RASAL2: variants seen among roughly 807,000 people sequenced by gnomAD.
RASAL2 encodes RAS protein activator like 2.
Under a neutral mutation model 128.9 loss-of-function variants are expected in RASAL2, and 58 were observed. The ratio of observed to expected loss-of-function variants is 0.45; its 90% confidence interval spans 0.36 to 0.56. The LOEUF (loss-of-function observed/expected upper bound fraction) is 0.56. Ranked by LOEUF, RASAL2 falls within the 20% of genes least tolerant of loss-of-function variation. The pLI is 0.00. For synonymous variants in RASAL2, 561 were observed against 580.8 expected (o/e 0.97, Z 0.49); for missense variants, 1,360 against 1,601.6 (o/e 0.85, Z 2.57).
chr1:178,362,397 C>T (rs1395650748), intron 3 of RASAL2, among the ~76,000 whole-genome samples: 5 of 152,102 alleles, frequency 3.3e-5, no homozygotes, highest in African/African-American at 1.2e-4. Context: ...ATGATTACTA[C>T]AGTCCAGCAA....
At chr1:178,324,627 G>C (rs1268731640) in intron 3 of RASAL2, among the ~76,000 whole-genome samples, 1 of 151,984 alleles carries the variant, frequency 6.6e-6, no homozygotes, top group African/African-American at 2.4e-5. Flanking sequence ...TTGGAGACTT[G>C]ACCTAGGCCC....
At chr1:178,439,291 A>G in intron 5 of RASAL2, 131 bp from the exon 6 acceptor site, 1 of 737,942 alleles carries the variant, frequency 1.4e-6, no homozygotes, top group Non-Finnish European at 2.1e-6. Context: ...CTGTAGATTA[A>G]CTATTAATTT....
At chr1:178,110,632 G>GTATATATATATATATATATATATA in intron 1 of RASAL2, among the ~76,000 whole-genome samples, 1 of 23,932 alleles carries the variant, frequency 4.2e-5, no homozygotes, top group Admixed American at 7.8e-4. Context: ...TATATATAGT[G>GTATATATATATATATATATATATA]TATACATATA....
chr1:178,274,406 A>G (rs913372929), intron 1 of RASAL2, among the ~76,000 whole-genome samples: 1 of 152,184 alleles, frequency 6.6e-6, no homozygotes, highest in African/African-American at 2.4e-5. Flanking sequence ...TAATATAGGG[A>G]GAGATACTAA....
At position 178,260,978 on chromosome 1, in the gene RASAL2, A is replaced by C. The variant is rs769791322; in HGVS notation, c.203-22586A>C. ...GCTAAATAGAAATTGTTGTTGTTCTATAATCTTGGCGTTAGAACAGTCTGA... is the reference window on the plus strand; with the variant it reads ...GCTAAATAGAAATTGTTGTTGTTCTCTAATCTTGGCGTTAGAACAGTCTGA... On this transcript the variant is annotated intron_variant, in intron 1 of 17. Transcript: ENST00000367649. Among the ~76,000 whole-genome samples, 17 of 152,326 alleles carry C rather than the reference A, an allele frequency of 1.1e-4. No homozygotes were observed. The East Asian group carries it at 3.3e-3, about 29-fold the overall frequency.
At chr1:178,225,195 G>A (rs1663743896) in intron 1 of RASAL2, among the ~76,000 whole-genome samples, 1 of 151,812 alleles carries the variant, frequency 6.6e-6, no homozygotes, top group Non-Finnish European at 1.5e-5. Flanking sequence ...TGATTCTGTA[G>A]ATTAGTGTTA....
At chr1:178,134,457 CAAAAAA>C (rs59410623) in intron 1 of RASAL2, among the ~76,000 whole-genome samples, 58 of 111,488 alleles carry the variant, frequency 5.2e-4, no homozygotes, top group Middle Eastern at 4.7e-3. Flanking sequence ...GACCCTATCT[CAAAAAA>C]AAAAAAAAAA....
Position 178,473,459 on chromosome 1 carries a change from A to G in RASAL2, c.*220A>G, listed in dbSNP as rs1038766696. Reference sequence around the variant, plus strand: ...ACATCTCTATGTACATAGGGAACTTAGTTCTGGGCCATGTACAGAAAATAT... The same window carrying G: ...ACATCTCTATGTACATAGGGAACTTGGTTCTGGGCCATGTACAGAAAATAT... On this transcript the variant is annotated 3_prime_UTR_variant, in exon 18 of 18. Coordinates refer to ENST00000367649, the MANE Select transcript of RASAL2 (RefSeq NM_170692.4). The G allele has an allele frequency of 9.6e-5, 56 of 581,946 alleles. No individual in the cohort carries two copies. Among genetic ancestry groups the G allele is most frequent in the African/African-American group, 9.1e-4 (49 of 53,568 alleles). 36.0% of individuals were successfully genotyped at this position (581,946 alleles called of 1,614,324 possible).
intron 9 of RASAL2, among the ~76,000 whole-genome samples, chr1:178,448,120 G>T (rs1677138674): frequency 6.6e-6 from 1 of 152,080 alleles, no homozygotes; most frequent in Non-Finnish European, 1.5e-5. Flanking sequence ...GCCAAGGATA[G>T]ATCTTAGAGT....
At chr1:178,409,325 G>T (rs557926354) in intron 4 of RASAL2, among the ~76,000 whole-genome samples, 21 of 152,136 alleles carry the variant, frequency 1.4e-4, no homozygotes, top group Non-Finnish European at 2.1e-4. Flanking sequence ...TAGTGAGGAT[G>T]ACACATAAGT....
chr1:178,270,234 G>A (rs1215953725), intron 1 of RASAL2, among the ~76,000 whole-genome samples: 1 of 151,556 alleles, frequency 6.6e-6, no homozygotes, highest in Non-Finnish European at 1.5e-5. Context: ...CTGGACACTC[G>A]GGTTTCGATC....
At chr1:178,202,383 A>G (rs2770157) in intron 1 of RASAL2, among the ~76,000 whole-genome samples, 72 of 152,214 alleles carry the variant, frequency 4.7e-4, no homozygotes, top group Middle Eastern at 3.2e-3. Flanking sequence ...AGAGAAGACT[A>G]AGGCCTGGTT....
intron 1 of RASAL2, among the ~76,000 whole-genome samples, chr1:178,166,905 G>A (rs568848549): frequency 6.6e-6 from 1 of 152,018 alleles, no homozygotes; most frequent in South Asian, 2.1e-4. Flanking sequence ...TTATTCAAAA[G>A]GAAAACTGCT....
intron 4 of RASAL2, among the ~76,000 whole-genome samples, chr1:178,407,477 A>G (rs1329248353): frequency 6.6e-6 from 1 of 152,214 alleles, no homozygotes; most frequent in Non-Finnish European, 1.5e-5. Flanking sequence ...ACAAATATGT[A>G]AAATACATAG....
intron 4 of RASAL2, among the ~76,000 whole-genome samples, chr1:178,418,498 A>G (rs1674921137): frequency 6.6e-6 from 1 of 152,172 alleles, no homozygotes. Context: ...TATTATGTCT[A>G]TGTGATATAT....
intron 4 of RASAL2, among the ~76,000 whole-genome samples, chr1:178,405,535 A>G (rs899554476): frequency 1.1e-4 from 16 of 152,224 alleles, no homozygotes; most frequent in African/African-American, 3.9e-4. Context: ...AAAAGCTTTC[A>G]TAGAGATGCA....
chr1:178,256,471 A>G (rs899472495), intron 1 of RASAL2, among the ~76,000 whole-genome samples: 1 of 152,196 alleles, frequency 6.6e-6, no homozygotes, highest in African/African-American at 2.4e-5. Context: ...TCTATTCAAC[A>G]TCTTCTTGGA....
intron 14 of RASAL2, among the ~76,000 whole-genome samples, chr1:178,461,055 C>A (rs767422057): frequency 6.6e-6 from 1 of 152,130 alleles, no homozygotes; most frequent in Non-Finnish European, 1.5e-5. Context: ...CTCAAGTGAT[C>A]CACCTGCCTC....
chr1:178,262,153 C>T (rs1038142093), intron 1 of RASAL2, among the ~76,000 whole-genome samples: 2 of 151,708 alleles, frequency 1.3e-5, no homozygotes, highest in Non-Finnish European at 2.9e-5. Context: ...TTAGCAAAAT[C>T]AGTATCCTTT....
Sources: gnomAD v4.1 joint callset for allele counts (sites outside exome capture counted in the v4.1 genomes callset) on GRCh38, gnomAD v4.1.1 for gene constraint, MANE v1.5 for transcripts, NCBI Gene and HGNC (gene_info 2026-07-23, HGNC 2026-07-21) for gene names.